ADSS1: variants seen among roughly 807,000 people sequenced by gnomAD.
ADSS1 encodes the protein adenylosuccinate synthetase isozyme 1.
In ADSS1, 57 loss-of-function variants were observed where a neutral mutation model predicts 59.1. The ratio of observed to expected loss-of-function variants is 0.97; its 90% confidence interval spans 0.78 to 1.20. The LOEUF (loss-of-function observed/expected upper bound fraction) is 1.20, where lower values mean the gene tolerates loss of function less well. ADSS1 is among the 50% of genes most tolerant of loss of function. The pLI is 0.00. For missense variants in ADSS1, 603 were observed against 610.3 expected, an observed-to-expected ratio of 0.99 and a Z score of 0.13; for synonymous variants, 247 against 249.4, an observed-to-expected ratio of 0.99 and a Z score of 0.09.
rs780789918 is a variant in ADSS1, at chr14:104,743,141, G to C, written c.1023G>C (p.Trp341Cys). ...VTTGRKRRCG[W>C]LDLMILRYAH... ...CAGGCAGGAAGAGGCGCTGCGGCTG[G>C]CTCGACCTGATGATTCTAAGATATG... The change falls in exon 10 of 13, where the codon TGG (tryptophan) becomes TGC (cysteine). Residue 341 changes from tryptophan to cysteine, a missense_variant. Transcript: ENST00000330877. 3 of 1,612,596 alleles carry C rather than the reference G, an allele frequency of 1.9e-6. No homozygotes were observed. The Admixed American group carries it at 5.0e-5, about 27-fold the overall frequency.
At chr14:104,732,299 C>T (rs781370768) in intron 1 of ADSS1, among the ~76,000 whole-genome samples, 4 of 152,212 alleles carry the variant, frequency 2.6e-5, no homozygotes, top group Non-Finnish European at 4.4e-5. Flanking sequence ...TGTGGGAATC[C>T]CAGGCTGAAG....
At chr14:104,738,142 A>G (rs1891195309) in intron 2 of ADSS1, 1 of 370,844 alleles carries the variant, frequency 2.7e-6, no homozygotes, top group South Asian at 2.6e-5. Context: ...GATTACAGGC[A>G]TGCGCCACCA....
At chr14:104,733,893 C>T (rs1473034269) in intron 1 of ADSS1, among the ~76,000 whole-genome samples, 3 of 152,188 alleles carry the variant, frequency 2.0e-5, no homozygotes, top group Non-Finnish European at 4.4e-5. Flanking sequence ...AGGAAGGGTC[C>T]CCCATGCCAT....
intron 1 of ADSS1, among the ~76,000 whole-genome samples, chr14:104,726,469 C>A (rs983387995): frequency 6.6e-6 from 1 of 152,200 alleles, no homozygotes; most frequent in African/African-American, 2.4e-5. Flanking sequence ...TGCTCAGTGA[C>A]CCCTACCTCA....
rs530883815 is a variant in ADSS1 at position 104,731,616 on chromosome 14, C to T, written c.193-3404C>T. On this transcript the variant is annotated intron_variant, in intron 1 of 12. Transcript: ENST00000330877. ...CTCTGCTTTCAGAGGAGCAGGGCAG[C>T]CGAGGGGTGCCTGGCAGAGAGGCCT... Among the ~76,000 whole-genome samples the T allele has an allele frequency of 2.6e-3, 397 of 152,300 alleles. 1 individual carries two copies. Among genetic ancestry groups the T allele is most frequent in the African/African-American group, 9.2e-3 (384 of 41,566 alleles).
intron 11 of ADSS1, chr14:104,745,326 TA>T (rs1891516118): frequency 6.2e-6 from 1 of 160,382 alleles, no homozygotes; most frequent in African/African-American, 2.4e-5. Flanking sequence ...TCTGAGAAAA[TA>T]CGCTTTGTGG....
At chr14:104,731,290 C>G (rs978887666) in intron 1 of ADSS1, among the ~76,000 whole-genome samples, 7 of 152,208 alleles carry the variant, frequency 4.6e-5, no homozygotes, top group Non-Finnish European at 1.0e-4. Flanking sequence ...ATGATGTGGC[C>G]CTGCAGCTGC....
At chr14:104,727,159 C>T (rs1890739327) in intron 1 of ADSS1, among the ~76,000 whole-genome samples, 1 of 152,192 alleles carries the variant, frequency 6.6e-6, no homozygotes, top group South Asian at 2.1e-4. Flanking sequence ...ATTCTTTTCC[C>T]ATCCCGGTGG....
At chr14:104,730,710 GA>G (rs1000934608) in intron 1 of ADSS1, among the ~76,000 whole-genome samples, 3 of 152,132 alleles carry the variant, frequency 2.0e-5, no homozygotes, top group Non-Finnish European at 4.4e-5. Context: ...CAGCCTCCTG[GA>G]GGGGAGGGGC....
Position 104,746,215 on chromosome 14 carries a change from TCTC to T in ADSS1, c.1172-18_1172-16del, listed in dbSNP as rs1468653586. 2.5e-6 allele frequency: 4 copies of T among 1,593,602 alleles called. No homozygotes were observed. The highest frequency in any genetic ancestry group is 1.7e-5 in the Admixed American group (1 of 59,370). On this transcript the variant is annotated intron_variant, in intron 11 of 12. Transcript: ENST00000330877. ...ATAGGAGGTCTGTGGGCCCCACTCATCTCCTGTGTGCTTCCCCCAGCTAACCAG... is the reference window on the plus strand; with the variant it reads ...ATAGGAGGTCTGTGGGCCCCACTCATCTGTGTGCTTCCCCCAGCTAACCAG...
Sources: allele counts gnomAD v4.1 joint callset (sites outside exome capture counted in the v4.1 genomes callset), GRCh38; gene constraint gnomAD v4.1.1; transcripts MANE v1.5; gene names NCBI Gene and HGNC (gene_info 2026-07-23, HGNC 2026-07-21).